NRXN3: variants seen among roughly 807,000 people sequenced by gnomAD.
NRXN3 encodes neurexin 3.
A neutral mutation model predicts 137.6 loss-of-function variants in NRXN3; 32 were observed. The ratio of observed to expected loss-of-function variants is 0.23; its 90% CI spans 0.18 to 0.31. The LOEUF (loss-of-function observed/expected upper bound fraction) is 0.31. Among genes scored for constraint, NRXN3 ranks in the 10% least tolerant of loss-of-function variants. NRXN3 has a pLI of 1.00. For synonymous variants in NRXN3, 798 were observed against 784.5 expected (o/e 1.02, Z -0.29); for missense variants, 1,574 against 2,062.5 (o/e 0.76, Z 4.59).
intron 15 of NRXN3, among the ~76,000 whole-genome samples, chr14:79,063,238 G>A (rs2099676426): frequency 6.6e-6 from 1 of 152,142 alleles, no homozygotes; most frequent in Non-Finnish European, 1.5e-5. Context: ...CTTTAAGGGT[G>A]AGGTTAGGCA....
At chr14:78,300,597 C>T in intron 4 of NRXN3, 1 of 1,022,728 alleles carries the variant, frequency 9.8e-7, no homozygotes, top group Non-Finnish European at 1.5e-6. Context: ...TTTGACTCTC[C>T]TTGCTCTCTC....
At chr14:78,205,934 T>C (rs1208559708) in intron 1 of NRXN3, among the ~76,000 whole-genome samples, 1 of 152,082 alleles carries the variant, frequency 6.6e-6, no homozygotes, top group Non-Finnish European at 1.5e-5. Context: ...GAGATGGTGA[T>C]GGAGTTAAGT....
At chr14:79,122,429 G>A (rs907419063) in intron 15 of NRXN3, among the ~76,000 whole-genome samples, 1 of 152,150 alleles carries the variant, frequency 6.6e-6, no homozygotes, top group Non-Finnish European at 1.5e-5. Context: ...TCCTCTCAGT[G>A]GAATGATGCT....
At chr14:79,229,572 G>A (rs1270715522) in intron 15 of NRXN3, among the ~76,000 whole-genome samples, 1 of 152,160 alleles carries the variant, frequency 6.6e-6, no homozygotes, top group African/African-American at 2.4e-5. Flanking sequence ...CTACCTGTCA[G>A]CAGGATGGAG....
In NRXN3 at chr14:78,768,632, T is replaced by C. The variant is rs1458144633; in HGVS notation, c.2045-34988T>C. On this transcript the variant is annotated intron_variant, in intron 8 of 20. Coordinates refer to ENST00000335750, the MANE Select transcript of NRXN3 (RefSeq NM_001330195.2). ...ATAAGTAGATAAAAATATGTGTAAA[T>C]AGTTCCTTATGTCAGGAAACTGTGT... Among the ~76,000 whole-genome samples, 3 of 152,200 alleles carry C rather than the reference T, an allele frequency of 2.0e-5. No homozygotes were observed. In the East Asian group the frequency reaches 5.8e-4, roughly 29 times the overall value.
chr14:79,762,374 A>C (rs1261970694), intron 19 of NRXN3, among the ~76,000 whole-genome samples: 1 of 151,708 alleles, frequency 6.6e-6, no homozygotes, highest in African/African-American at 2.4e-5. Flanking sequence ...CAGATGTTGA[A>C]CTGAAGAAAG....
intron 4 of NRXN3, among the ~76,000 whole-genome samples, chr14:78,495,801 G>A (rs756846548): frequency 6.6e-6 from 1 of 152,176 alleles, no homozygotes; most frequent in Non-Finnish European, 1.5e-5. Context: ...TCTCTGACCA[G>A]CACCAGGGCT....
intron 19 of NRXN3, 130 bp from the exon 20 acceptor site, chr14:79,804,982 A>G (rs1440537106): frequency 1.5e-6 from 1 of 654,544 alleles, no homozygotes; most frequent in African/African-American, 1.8e-5. Context: ...TGCCCTCTCT[A>G]GAAAAATAAT....
At chr14:79,661,738 CTTTTCCTCCTTCTGG>C (rs1468784990) in intron 16 of NRXN3, 1 of 151,924 alleles carries the variant, frequency 6.6e-6, no homozygotes. Flanking sequence ...TCTTCTTTTT[CTTTTCCTCCTTCTGG>C]TTTTCCTCCT....
At chr14:79,387,346 GA>G (rs1352759706) in intron 15 of NRXN3, among the ~76,000 whole-genome samples, 4 of 152,072 alleles carry the variant, frequency 2.6e-5, no homozygotes, top group African/African-American at 4.8e-5. Context: ...AAAGAAACAT[GA>G]AAAAATGCTC....
chr14:78,342,610 T>C (rs943399602), intron 4 of NRXN3, among the ~76,000 whole-genome samples: 6 of 152,218 alleles, frequency 3.9e-5, no homozygotes, highest in Non-Finnish European at 7.3e-5. Context: ...AATTAACTTA[T>C]GGTTTAGAGA....
intron 15 of NRXN3, among the ~76,000 whole-genome samples, chr14:79,338,560 A>G (rs2092418951): frequency 6.6e-6 from 1 of 152,132 alleles, no homozygotes; most frequent in Non-Finnish European, 1.5e-5. Context: ...CAATTTATGT[A>G]TCCACTGTCA....
chr14:79,316,818 C>A (rs2088858924), intron 15 of NRXN3, among the ~76,000 whole-genome samples: 1 of 150,638 alleles, frequency 6.6e-6, no homozygotes, highest in East Asian at 2.0e-4. Context: ...AGAAGTTTTC[C>A]TATATTAGGA....
At chr14:79,405,566 C>T (rs2095294063) in intron 15 of NRXN3, among the ~76,000 whole-genome samples, 2 of 152,116 alleles carry the variant, frequency 1.3e-5, no homozygotes, top group African/African-American at 4.8e-5. Context: ...GAGACTGATA[C>T]CACAGTCAAT....
intron 8 of NRXN3, among the ~76,000 whole-genome samples, chr14:78,763,917 A>G (rs2098700597): frequency 6.6e-6 from 1 of 152,154 alleles, no homozygotes; most frequent in African/African-American, 2.4e-5. Context: ...GTTGCAACTT[A>G]GAGTTGCAAG....
chr14:78,947,112 G>T (rs980899476), intron 10 of NRXN3, among the ~76,000 whole-genome samples: 1 of 152,126 alleles, frequency 6.6e-6, no homozygotes, highest in African/African-American at 2.4e-5. Context: ...GGCCTCCTGG[G>T]TCTTGCAGTT....
chr14:79,155,133 C>T (rs2060146460), intron 15 of NRXN3, among the ~76,000 whole-genome samples: 1 of 151,904 alleles, frequency 6.6e-6, no homozygotes, highest in African/African-American at 2.4e-5. Context: ...CCCTTCTTCA[C>T]TCTTGACCCT....
intron 15 of NRXN3, among the ~76,000 whole-genome samples, chr14:79,334,262 T>TA (rs1030632260): frequency 6.6e-5 from 10 of 152,060 alleles, no homozygotes; most frequent in African/African-American, 2.2e-4. Context: ...TGAGGTGCTA[T>TA]AAAAAAATAA....
intron 4 of NRXN3, among the ~76,000 whole-genome samples, chr14:78,550,312 CA>C (rs2096674931): frequency 6.6e-6 from 1 of 152,090 alleles, no homozygotes; most frequent in South Asian, 2.1e-4. Flanking sequence ...TGATATGCTG[CA>C]AGCCACTATG....
Sources: gnomAD v4.1 joint callset for allele counts (sites outside exome capture counted in the v4.1 genomes callset) on GRCh38, gnomAD v4.1.1 for gene constraint, MANE v1.5 for transcripts, NCBI Gene and HGNC (gene_info 2026-07-23, HGNC 2026-07-21) for gene names.